The following FMN2 variants were observed in gnomAD, a reference collection of about 807,000 sequenced individuals.
FMN2 encodes formin 2, also known as formin-2.
Under a neutral mutation model 142.3 loss-of-function variants are expected in FMN2, and 51 were observed. That is an observed-to-expected ratio of 0.36 (90% CI 0.29 to 0.45). FMN2 has a LOEUF of 0.45. Ranked by LOEUF, FMN2 falls within the 20% of genes least tolerant of loss-of-function variation. FMN2 has a pLI of 1.00. For synonymous variants in FMN2, 882 were observed against 869.8 expected (o/e 1.01, Z -0.25); for missense variants, 1,936 against 2,122.8 (o/e 0.91, Z 1.73).
rs71168898 is a variant in FMN2, at chr1:240,121,735, T to TAAAAAAAAAAAA, written c.1616-1424_1616-1413dup. The stretch of plus-strand genomic sequence containing the variant: ...CTCTTGCCTTTTTTTAGGGAAATAG[T>TAAAAAAAAAAAA]AAAAAAAAAAAAAAAAAAAAAAAAA... On this transcript the variant is annotated intron_variant, in intron 1 of 17. Coordinates refer to ENST00000319653, the MANE Select transcript of FMN2 (RefSeq NM_020066.5). Among the ~76,000 whole-genome samples the TAAAAAAAAAAAA allele has an allele frequency of 1.5e-3, 38 of 25,676 alleles. 8 individuals carry two copies. Among genetic ancestry groups the TAAAAAAAAAAAA allele is most frequent in the South Asian group, 3.0e-3 (1 of 338 alleles). 16.8% of individuals were successfully genotyped at this position (25,676 alleles called of 152,430 possible). A position where few individuals can be genotyped will look rare whatever the true frequency, so the allele number is the denominator to read the frequency against.
intron 1 of FMN2, among the ~76,000 whole-genome samples, chr1:240,098,763 A>G (rs539261629): frequency 6.6e-6 from 1 of 152,250 alleles, no homozygotes; most frequent in African/African-American, 2.4e-5. Context: ...GTTTGGATTG[A>G]AGTCAAGTGC....
In FMN2 at chr1:240,334,227, A is replaced by G. The variant is rs1169145505; in HGVS notation, c.4763A>G (p.Lys1588Arg). Residue 1588 changes from lysine to arginine, a missense_variant and splice_region_variant, in exon 13 of 18, where the codon AAA (lysine) becomes AGA (arginine). By Grantham distance (26) the Lys-to-Arg change is conservative. This residue lies in a region of FMN2 where 322 missense variants were observed against 401.6 expected (regional missense o/e 0.80). Transcript: ENST00000319653. Reference sequence around the variant, plus strand: ...CTCAGAAAACTGAAGAAAGACTTGAAAGGTAACTTAAAATCCTGAACTCAT... The same window carrying G: ...CTCAGAAAACTGAAGAAAGACTTGAGAGGTAACTTAAAATCCTGAACTCAT... ...KDLRKLKKDLKACEVEAGKVY... is the reference protein window; with the variant it reads ...KDLRKLKKDLRACEVEAGKVY... 1 of 1,593,368 alleles carries G rather than the reference A, an allele frequency of 6.3e-7. No individual in the cohort carries two copies. Among genetic ancestry groups the G allele is most frequent in the Non-Finnish European group, 8.5e-7 (1 of 1,174,628 alleles).
chr1:240,259,509 A>G (rs986228594), intron 7 of FMN2, among the ~76,000 whole-genome samples: 2 of 90,892 alleles, frequency 2.2e-5, no homozygotes, highest in Non-Finnish European at 4.6e-5. Context: ...TTTTTTTAAT[A>G]TGGTGGCCTT....
intron 14 of FMN2, among the ~76,000 whole-genome samples, chr1:240,366,005 C>CA (rs1672656841): frequency 1.3e-5 from 2 of 152,090 alleles, no homozygotes; most frequent in African/African-American, 4.8e-5. Context: ...TAGATGGTGA[C>CA]AAGGGCACTT....
intron 14 of FMN2, among the ~76,000 whole-genome samples, chr1:240,379,553 G>A (rs1278567736): frequency 1.3e-5 from 2 of 151,962 alleles, no homozygotes; most frequent in African/African-American, 4.8e-5. Context: ...GGCTTATTTG[G>A]GGTCTCCTTT....
intron 2 of FMN2, among the ~76,000 whole-genome samples, chr1:240,142,212 AG>A (rs984857322): frequency 6.6e-6 from 1 of 152,120 alleles, no homozygotes; most frequent in Non-Finnish European, 1.5e-5. Flanking sequence ...TCATGGTCCC[AG>A]TTAGGCTATA....
rs374184727 is a variant in FMN2, at chr1:240,188,332, C to T, written c.1986+70C>T. 1.6e-5 allele frequency: 24 copies of T among 1,480,568 alleles called. No individual in the cohort carries two copies. The Admixed American group carries it at 3.0e-4, about 18-fold the overall frequency. 91.7% of individuals were successfully genotyped at this position (1,480,568 alleles called of 1,614,324 possible). A position where few individuals can be genotyped will look rare whatever the true frequency, so the allele number is the denominator to read the frequency against. On this transcript the variant is annotated intron_variant, in intron 4 of 17. Coordinates refer to ENST00000319653, the MANE Select transcript of FMN2 (RefSeq NM_020066.5). ...TGTCTTAAGATTGTGACAGACTCTG[C>T]GATTTATCTTTCCATCTGCCCGGCT... is the stretch of plus-strand genomic sequence containing the variant.
intron 2 of FMN2, among the ~76,000 whole-genome samples, chr1:240,156,744 A>G (rs1664041331): frequency 6.6e-6 from 1 of 152,218 alleles, no homozygotes; most frequent in Non-Finnish European, 1.5e-5. Context: ...GTCTCCAGAA[A>G]GGATCAAGCA....
intron 2 of FMN2, among the ~76,000 whole-genome samples, chr1:240,124,358 G>C (rs1187548056): frequency 6.6e-6 from 1 of 152,142 alleles, no homozygotes; most frequent in Non-Finnish European, 1.5e-5. Flanking sequence ...ATGTTTGTGT[G>C]AAGTACGGAC....
chr1:240,201,202 C>G (rs976296526), intron 4 of FMN2, among the ~76,000 whole-genome samples: 1 of 152,074 alleles, frequency 6.6e-6, no homozygotes, highest in African/African-American at 2.4e-5. Flanking sequence ...TAGATCCAAC[C>G]CCAAATCCCT....
chr1:240,296,895 G>A (rs1670007460), intron 8 of FMN2, among the ~76,000 whole-genome samples: 1 of 152,086 alleles, frequency 6.6e-6, no homozygotes, highest in African/African-American at 2.4e-5. Context: ...ACTATGCAAA[G>A]GGAAAACTGG....
intron 16 of FMN2, among the ~76,000 whole-genome samples, chr1:240,439,456 G>A (rs750700146): frequency 6.6e-5 from 10 of 151,954 alleles, no homozygotes; most frequent in Non-Finnish European, 1.3e-4. Flanking sequence ...GAATTAATTG[G>A]TTACATTTAT....
In FMN2 at chr1:240,092,449, C is replaced by G; in HGVS notation, c.340C>G (p.Leu114Val). The G allele has an allele frequency of 6.2e-7, 1 of 1,610,426 alleles. No homozygotes were observed. Among genetic ancestry groups the G allele is most frequent in the African/African-American group, 1.3e-5 (1 of 74,974 alleles). Residue 114 changes from leucine (L) to valine (V), a missense_variant, in exon 1 of 18, where the codon CTG becomes GTG. By Grantham distance (32) the Leu-to-Val change is conservative. Coordinates refer to ENST00000319653, the MANE Select transcript of FMN2 (RefSeq NM_020066.5). ...CGGGGAGCTGGACAGCGCTCACTCC[C>G]TGCTCACCAAGACTCCAGACCTCAG... is the stretch of plus-strand genomic sequence containing the variant. ...QTGELDSAHS[L>V]LTKTPDLSLS...
intron 13 of FMN2, among the ~76,000 whole-genome samples, chr1:240,334,672 A>G (rs1671502074): frequency 6.6e-6 from 1 of 152,182 alleles, no homozygotes; most frequent in Non-Finnish European, 1.5e-5. Context: ...AAAACCACAT[A>G]CATGTATATT....
intron 3 of FMN2, among the ~76,000 whole-genome samples, chr1:240,186,351 T>C (rs542089720): frequency 1.3e-5 from 2 of 152,278 alleles, no homozygotes; most frequent in East Asian, 1.9e-4. Flanking sequence ...AAGCACCTAC[T>C]AAGTACCAGG....
At chr1:240,130,592 C>T (rs1430841021) in intron 2 of FMN2, among the ~76,000 whole-genome samples, 1 of 152,220 alleles carries the variant, frequency 6.6e-6, no homozygotes, top group East Asian at 1.9e-4. Flanking sequence ...GCGTGAGCCA[C>T]CACGCCCAGC....
At chr1:240,401,982 G>A (rs945345750) in intron 15 of FMN2, among the ~76,000 whole-genome samples, 4 of 152,210 alleles carry the variant, frequency 2.6e-5, no homozygotes, top group Non-Finnish European at 5.9e-5. Flanking sequence ...GGAATATGGA[G>A]TACCTTGTTC....
rs975147503 is a variant in FMN2, at chr1:240,373,615, G to A, written c.4858+17707G>A. ...ATTCATAAGAAGCAACTCCTCATCCGTTCAAATTTCATCATGAGCGATTTG... is the reference window on the plus strand; with the variant it reads ...ATTCATAAGAAGCAACTCCTCATCCATTCAAATTTCATCATGAGCGATTTG... On this transcript the variant is annotated intron_variant, in intron 14 of 17. Transcript: ENST00000319653. Among the ~76,000 whole-genome samples, 8 of 152,256 alleles carry A rather than the reference G, an allele frequency of 5.3e-5. No individual in the cohort carries two copies. In the East Asian group the frequency reaches 5.8e-4, roughly 11 times the overall value.
At chr1:240,314,180 A>G (rs1670689641) in intron 8 of FMN2, among the ~76,000 whole-genome samples, 1 of 152,182 alleles carries the variant, frequency 6.6e-6, no homozygotes, top group Admixed American at 6.5e-5. Flanking sequence ...CTAGCATTCT[A>G]TGAATAGTAG....
Sources: allele counts gnomAD v4.1 joint callset (sites outside exome capture counted in the v4.1 genomes callset), GRCh38; gene constraint gnomAD v4.1.1; regional missense constraint gnomAD v4.1.1; transcripts MANE v1.5; gene names NCBI Gene and HGNC (gene_info 2026-07-23, HGNC 2026-07-21).